The following BICD1 variants were observed in gnomAD, a reference collection of about 807,000 sequenced individuals.
BICD1 encodes the protein protein bicaudal D homolog 1.
BICD1 carries 35 observed loss-of-function variants against 92.5 expected under a neutral mutation model. That is an observed-to-expected ratio of 0.38 (90% CI 0.29 to 0.50). The LOEUF is 0.50. BICD1 is among the 20% of genes least tolerant of loss of function. BICD1 has a pLI of 0.93. For missense variants in BICD1, 950 were observed against 1,189.8 expected (o/e 0.80, Z 2.97); for synonymous variants, 429 against 465.1 (o/e 0.92, Z 1.00).
chr12:32,217,333 A>T (rs1177557794), intron 2 of BICD1, among the ~76,000 whole-genome samples: 1 of 152,240 alleles, frequency 6.6e-6, no homozygotes, highest in Non-Finnish European at 1.5e-5. Context: ...AATATGTAGG[A>T]TGAAAATATT....
chr12:32,135,913 C>T (rs1220126523), intron 1 of BICD1, among the ~76,000 whole-genome samples: 4 of 124,828 alleles, frequency 3.2e-5, no homozygotes, highest in African/African-American at 1.0e-4. Flanking sequence ...AAAGGAGAGG[C>T]GTGTGGAGGA....
chr12:32,135,594 C>A (rs1942708757), intron 1 of BICD1, among the ~76,000 whole-genome samples: 1 of 151,844 alleles, frequency 6.6e-6, no homozygotes, highest in African/African-American at 2.4e-5. Flanking sequence ...AGAGACAACA[C>A]TTCACTATAT....
At chr12:32,278,121 T>C (rs1947323824) in intron 2 of BICD1, among the ~76,000 whole-genome samples, 1 of 152,206 alleles carries the variant, frequency 6.6e-6, no homozygotes. Flanking sequence ...TTACCAGAGA[T>C]TGAACTACTT....
chr12:32,232,036 C>T (rs1323623891), intron 2 of BICD1, among the ~76,000 whole-genome samples: 7 of 150,964 alleles, frequency 4.6e-5, no homozygotes, highest in Non-Finnish European at 7.4e-5. Context: ...TGAATAATGC[C>T]GCAATAAACA....
chr12:32,248,105 C>G (rs973145443), intron 2 of BICD1, among the ~76,000 whole-genome samples: 1 of 151,848 alleles, frequency 6.6e-6, no homozygotes, highest in South Asian at 2.1e-4. Flanking sequence ...ACAAAAAAAA[C>G]AAAAACCCAA....
intron 1 of BICD1, among the ~76,000 whole-genome samples, chr12:32,155,798 A>G (rs1384488966): frequency 1.3e-5 from 2 of 152,234 alleles, no homozygotes; most frequent in African/African-American, 4.8e-5. Context: ...GTGGTTTTAT[A>G]AAAGTGATTT....
chr12:32,318,862 A>AT (rs1406420168), intron 4 of BICD1, among the ~76,000 whole-genome samples: 5 of 152,166 alleles, frequency 3.3e-5, no homozygotes, highest in Non-Finnish European at 1.5e-5. Context: ...CTGAAAAAAA[A>AT]ATTTTATTCT....
intron 1 of BICD1, among the ~76,000 whole-genome samples, chr12:32,213,151 G>T (rs1179378780): frequency 6.6e-6 from 1 of 152,084 alleles, no homozygotes; most frequent in South Asian, 2.1e-4. Context: ...TAAAGTCCAG[G>T]ATCCAATCTA....
At chr12:32,296,256 GTTTTTT>G (rs373796519) in intron 3 of BICD1, among the ~76,000 whole-genome samples, 3 of 90,194 alleles carry the variant, frequency 3.3e-5, no homozygotes, top group Admixed American at 2.5e-4. Context: ...GTTTTTTTTT[GTTTTTT>G]TTTTTTTTTT....
At chr12:32,279,905 C>G (rs1175481532) in intron 2 of BICD1, among the ~76,000 whole-genome samples, 2 of 152,160 alleles carry the variant, frequency 1.3e-5, no homozygotes, top group African/African-American at 4.8e-5. Context: ...TCGAGACCAG[C>G]CTGACTAACA....
chr12:32,112,965 A>G (rs1283377957), intron 1 of BICD1, among the ~76,000 whole-genome samples: 1 of 152,206 alleles, frequency 6.6e-6, no homozygotes, highest in Non-Finnish European at 1.5e-5. Context: ...CTTGCATTAT[A>G]CAGAAGAGGA....
At chr12:32,205,916 T>C (rs979154951) in intron 1 of BICD1, among the ~76,000 whole-genome samples, 3 of 151,962 alleles carry the variant, frequency 2.0e-5, no homozygotes, top group Non-Finnish European at 4.4e-5. Context: ...TATAGATTAG[T>C]TTGCATTCTC....
Position 32,329,365 on chromosome 12 carries a change from G to A in BICD1, c.2100+810G>A, listed in dbSNP as rs563352503. The stretch of plus-strand genomic sequence containing the variant: ...GCCCACCTCGGCCTCCCAAAGTGCT[G>A]GGATTACAGGCATGAACCACCGCGC... On this transcript the variant is annotated intron_variant, in intron 5 of 9. Coordinates refer to ENST00000652176, the MANE Select transcript of BICD1 (RefSeq NM_001714.4). Among the ~76,000 whole-genome samples, 11 of 152,132 alleles carry A rather than the reference G, an allele frequency of 7.2e-5. No homozygotes were observed. In the East Asian group the frequency reaches 1.9e-3, roughly 27 times the overall value.
At chr12:32,295,094 A>AG (rs1555164508) in intron 3 of BICD1, among the ~76,000 whole-genome samples, 15 of 149,350 alleles carry the variant, frequency 1.0e-4, no homozygotes, top group Non-Finnish European at 1.0e-4. Context: ...AAAAAAAAAA[A>AG]AAAAAGAAAA....
intron 1 of BICD1, among the ~76,000 whole-genome samples, chr12:32,129,115 T>C (rs1253045980): frequency 1.3e-5 from 2 of 152,012 alleles, no homozygotes; most frequent in South Asian, 4.1e-4. Flanking sequence ...TTTGTATTTT[T>C]ATAGAGATGG....
At chr12:32,107,836 G>T (rs1015092543) in intron 1 of BICD1, 2 of 679,214 alleles carry the variant, frequency 2.9e-6, no homozygotes, top group African/African-American at 3.6e-5. Flanking sequence ...CGACATTCAA[G>T]TGGGTTGGAA....
chr12:32,346,569 T>C (rs1301816613), intron 8 of BICD1, among the ~76,000 whole-genome samples: 1 of 43,510 alleles, frequency 2.3e-5, no homozygotes, highest in Admixed American at 3.3e-4. Context: ...TATATATATA[T>C]ATATATATAT....
intron 1 of BICD1, among the ~76,000 whole-genome samples, chr12:32,174,618 C>T (rs917449442): frequency 2.8e-4 from 42 of 152,166 alleles, no homozygotes; most frequent in African/African-American, 9.7e-4. Context: ...GTTGCTATCT[C>T]TTGTCTATAT....
intron 1 of BICD1, among the ~76,000 whole-genome samples, chr12:32,178,730 C>T (rs1944189336): frequency 1.3e-5 from 2 of 151,924 alleles, no homozygotes; most frequent in South Asian, 4.1e-4. Flanking sequence ...AATATTAAAA[C>T]CTCAGGCAGG....
Sources: allele counts gnomAD v4.1 joint callset (sites outside exome capture counted in the v4.1 genomes callset), GRCh38; gene constraint gnomAD v4.1.1; transcripts MANE v1.5; gene names NCBI Gene and HGNC (gene_info 2026-07-23, HGNC 2026-07-21).